Variants in GNB1L observed in about 807,000 individuals in gnomAD.
GNB1L encodes G protein subunit beta 1 like.
GNB1L carries 20 observed loss-of-function variants against 29.1 expected under a neutral mutation model. That is an observed-to-expected ratio of 0.69 (90% CI 0.48 to 1.00). The LOEUF (loss-of-function observed/expected upper bound fraction) is 1.00, where lower values mean the gene tolerates loss of function less well. Among genes scored for constraint, GNB1L ranks in the 50% least tolerant of loss-of-function variants. The pLI is 0.00. For missense variants in GNB1L, 421 were observed against 464.9 expected (o/e 0.91, Z 0.87); for synonymous variants, 193 against 206.5 (o/e 0.93, Z 0.56).
intron 7 of GNB1L, among the ~76,000 whole-genome samples, chr22:19,801,579 C>T (rs963459356): frequency 6.6e-5 from 10 of 152,032 alleles, no homozygotes; most frequent in Admixed American, 3.9e-4. Flanking sequence ...TCCTGCTGCC[C>T]GTGAGCAATG....
Position 19,851,342 on chromosome 22 carries a change from G to A in GNB1L, c.-21+3101C>T, listed in dbSNP as rs143814574. On this transcript the variant is annotated intron_variant, in intron 2 of 7. Transcript: ENST00000329517. ...GTCTGGTCTCTGGGCAGGAGGATTAGCTGACTCCGACAGTCTAGGGACAGG... is the reference window on the plus strand; with the variant it reads ...GTCTGGTCTCTGGGCAGGAGGATTAACTGACTCCGACAGTCTAGGGACAGG... The A allele has an allele frequency of 2.5e-6, 4 of 1,614,020 alleles. No homozygotes were observed. The African/African-American group carries it at 4.0e-5, about 16-fold the overall frequency.
chr22:19,797,555 G>A (rs1937320792), intron 7 of GNB1L, among the ~76,000 whole-genome samples: 1 of 152,186 alleles, frequency 6.6e-6, no homozygotes, highest in South Asian at 2.1e-4. Flanking sequence ...CCCAGGAGGG[G>A]TGGGAGGAGC....
rs572240649 is a variant in GNB1L, at chr22:19,783,540, A to AC, written c.*5168dup. 10 of 187,112 alleles carry AC rather than the reference A, an allele frequency of 5.3e-5. No individual in the cohort carries two copies. In the South Asian group the frequency reaches 9.6e-4, roughly 18 times the overall value. 11.6% of individuals were successfully genotyped at this position (187,112 alleles called of 1,614,324 possible). ...ACTCCAGCCTGGGTGACAGAGTGAG[A>AC]CCCCCACTGTCCCTGGTCTCTTAAA... On this transcript the variant is annotated 3_prime_UTR_variant, in exon 8 of 8. Transcript: ENST00000329517.
Position 19,788,379 on chromosome 22 carries a change from G to A in GNB1L, c.*330C>T, listed in dbSNP as rs149935479. On this transcript the variant is annotated 3_prime_UTR_variant, in exon 8 of 8. Transcript: ENST00000329517. ...GCACTGATGCTAAGTGGGGGACCAGGGCCTCCTCAGGGAGCTCCCACCTCA... is the reference window on the plus strand; with the variant it reads ...GCACTGATGCTAAGTGGGGGACCAGAGCCTCCTCAGGGAGCTCCCACCTCA... 5.3e-3 allele frequency: 3,117 copies of A among 584,214 alleles called. 23 individuals are homozygous for A. Among genetic ancestry groups the A allele is most frequent in the Admixed American group, 0.027 (860 of 32,358 alleles). 36.2% of individuals were successfully genotyped at this position (584,214 alleles called of 1,614,324 possible).
rs1172540521 is a variant in GNB1L, at chr22:19,788,858, C to T, written c.835G>A (p.Val279Met). Residue 279 changes from valine (V) to methionine (M), a missense_variant, in exon 8 of 8, where the codon GTG becomes ATG. Physicochemically the swap from Val to Met is conservative, Grantham distance 21 (BLOSUM62 1). Coordinates refer to ENST00000329517, the MANE Select transcript of GNB1L (RefSeq NM_053004.3). ...GGCTGCATCGTCCGCCAGTGGAACA[C>T]GCGGATGCGGTGGTCCCAGCCTGCG... Reference protein sequence around the residue: ...ATAGWDHRIRVFHWRTMQPLA... With the variant: ...ATAGWDHRIRMFHWRTMQPLA... 9.9e-6 allele frequency: 16 copies of T among 1,612,748 alleles called. No individual in the cohort carries two copies. The highest frequency in any genetic ancestry group is 6.7e-5 in the African/African-American group (5 of 74,952).
At chr22:19,815,876 A>C (rs1937521894) in intron 4 of GNB1L, among the ~76,000 whole-genome samples, 1 of 152,108 alleles carries the variant, frequency 6.6e-6, no homozygotes, top group East Asian at 1.9e-4. Flanking sequence ...GCCCAGCTTA[A>C]CTTTTTATTT....
intron 2 of GNB1L, chr22:19,850,563 A>C: frequency 8.9e-7 from 1 of 1,128,784 alleles, no homozygotes. Context: ...CCAGCTGCCC[A>C]GAACTGCTGG....
At chr22:19,797,027 C>T (rs1028845717) in intron 7 of GNB1L, among the ~76,000 whole-genome samples, 1 of 152,166 alleles carries the variant, frequency 6.6e-6, no homozygotes, top group Non-Finnish European at 1.5e-5. Context: ...TTTGTATGCC[C>T]ACAGACAAAT....
chr22:19,821,020 C>A (rs769535741), intron 3 of GNB1L, among the ~76,000 whole-genome samples: 1 of 152,164 alleles, frequency 6.6e-6, no homozygotes, highest in Admixed American at 6.5e-5. Flanking sequence ...CCTGCTCCTG[C>A]GTCTGTAACA....
chr22:19,788,645 G>A lies in GNB1L; in HGVS notation c.*64C>T, dbSNP rs1408728120. ...AGAGGCCCTTGAGGTTTCAGGCCAA[G>A]GCTGGGGCCTGATGCCCACCTCCCT... On this transcript the variant is annotated 3_prime_UTR_variant, in exon 8 of 8. Coordinates refer to ENST00000329517, the MANE Select transcript of GNB1L (RefSeq NM_053004.3). 6.2e-7 allele frequency: 1 copy of A among 1,604,280 alleles called. No homozygotes were observed. The highest frequency in any genetic ancestry group is 8.5e-7 in the Non-Finnish European group (1 of 1,172,174).
chr22:19,852,047 C>G lies in GNB1L; in HGVS notation c.-21+2396G>C, dbSNP rs776795895. On this transcript the variant is annotated intron_variant, in intron 2 of 7. Coordinates refer to ENST00000329517, the MANE Select transcript of GNB1L (RefSeq NM_053004.3). The stretch of plus-strand genomic sequence containing the variant: ...ACCCCTTTCTGCAGGTTTACCGCCA[C>G]AAGTGCCACTAGCTGTGCTCTTCTG... The G allele has an allele frequency of 1.4e-5, 23 of 1,614,226 alleles. 1 individual carries two copies. The South Asian group carries it at 2.5e-4, about 18-fold the overall frequency.
intron 4 of GNB1L, among the ~76,000 whole-genome samples, chr22:19,813,579 T>C (rs937032074): frequency 2.0e-5 from 3 of 152,098 alleles, no homozygotes; most frequent in Non-Finnish European, 4.4e-5. Flanking sequence ...TCCCAGCTAC[T>C]TGGGAGGCTG....
At chr22:19,841,478 T>A (rs1384057635) in intron 2 of GNB1L, among the ~76,000 whole-genome samples, 4 of 152,022 alleles carry the variant, frequency 2.6e-5, no homozygotes, top group South Asian at 2.1e-4. Context: ...ACAAATAATT[T>A]AAAAAAATCG....
chr22:19,804,284 C>G (rs1324981230), intron 6 of GNB1L, among the ~76,000 whole-genome samples: 1 of 152,256 alleles, frequency 6.6e-6, no homozygotes, highest in Non-Finnish European at 1.5e-5. Flanking sequence ...CAGATGAGAC[C>G]TGGAGGCCAG....
At chr22:19,836,548 C>T (rs1015738334) in intron 2 of GNB1L, among the ~76,000 whole-genome samples, 8 of 152,184 alleles carry the variant, frequency 5.3e-5, no homozygotes, top group Admixed American at 5.2e-4. Context: ...CTAGCACTAA[C>T]CCAATACCAA....
chr22:19,849,787 T>G (rs2145904844), intron 2 of GNB1L: 1 of 985,474 alleles, frequency 1.0e-6, no homozygotes, highest in East Asian at 1.1e-4. Context: ...TGTTTTGTTG[T>G]TTTCACAATT....
chr22:19,826,188 G>T (rs1367758357), intron 2 of GNB1L, among the ~76,000 whole-genome samples: 1 of 152,152 alleles, frequency 6.6e-6, no homozygotes, highest in African/African-American at 2.4e-5. Flanking sequence ...CCTCCTAGGA[G>T]AACCCCAGTA....
chr22:19,821,171 C>A, intron 3 of GNB1L, 57 bp downstream of exon 3: 1 of 1,542,342 alleles, frequency 6.5e-7, no homozygotes, highest in African/African-American at 1.4e-5. Flanking sequence ...TCCTTGCTAG[C>A]TCACGACCTC....
intron 4 of GNB1L, among the ~76,000 whole-genome samples, chr22:19,819,910 C>G (rs985087094): frequency 1.3e-5 from 2 of 152,160 alleles, no homozygotes; most frequent in East Asian, 3.8e-4. Flanking sequence ...ACTATACACC[C>G]AAGCCCTGCG....
Sources: gnomAD v4.1 joint callset for allele counts (sites outside exome capture counted in the v4.1 genomes callset) on GRCh38, gnomAD v4.1.1 for gene constraint, MANE v1.5 for transcripts, NCBI Gene and HGNC (gene_info 2026-07-23, HGNC 2026-07-21) for gene names.